Variants in TMEM178B observed in about 807,000 individuals in gnomAD.
TMEM178B encodes the protein transmembrane protein 178B.
Under a neutral mutation model 31.0 loss-of-function variants are expected in TMEM178B, and 5 were observed. The ratio of observed to expected loss-of-function variants is 0.16; its 90% CI spans 0.08 to 0.34. The LOEUF is 0.34. Among genes scored for constraint, TMEM178B ranks in the 10% least tolerant of loss-of-function variants. The pLI is 1.00. For synonymous variants in TMEM178B, 164 were observed against 164.0 expected, an observed-to-expected ratio of 1.00 and a Z score of 0.00; for missense variants, 275 against 400.3, an observed-to-expected ratio of 0.69 and a Z score of 2.67.
chr7:141,259,617 G>T (rs909049474), intron 2 of TMEM178B, among the ~76,000 whole-genome samples: 1 of 152,140 alleles, frequency 6.6e-6, no homozygotes, highest in East Asian at 1.9e-4. Context: ...TTAATGACTT[G>T]TCTGGGCTAA....
chr7:141,269,006 A>G (rs1023102930), intron 2 of TMEM178B, among the ~76,000 whole-genome samples: 3 of 151,996 alleles, frequency 2.0e-5, no homozygotes, highest in Admixed American at 6.6e-5. Context: ...GTTTTGCAAG[A>G]GTTTCAGCAG....
At chr7:141,175,338 A>G (rs913276623) in intron 1 of TMEM178B, among the ~76,000 whole-genome samples, 4 of 152,178 alleles carry the variant, frequency 2.6e-5, no homozygotes, top group East Asian at 1.9e-4. Flanking sequence ...TTTTGGTACC[A>G]GTACCATGCT....
Position 141,318,334 on chromosome 7 carries a change from G to A in TMEM178B, c.496+105630G>A, listed in dbSNP as rs193230990. Among the ~76,000 whole-genome samples the A allele has an allele frequency of 1.4e-3, 213 of 152,296 alleles. 2 individuals carry two copies. The highest frequency in any genetic ancestry group is 4.7e-3 in the African/African-American group (197 of 41,556). On this transcript the variant is annotated intron_variant, in intron 2 of 3. Transcript: ENST00000565468. The surrounding 1 kb of genome is among the most constrained non-coding windows in gnomAD (Gnocchi z 4.1). ...ATTTTGAGAGTGGGAATGGGGCTGC[G>A]AAATCAATAATTGGGTGTTTTAATG... is the stretch of plus-strand genomic sequence containing the variant.
chr7:141,496,463 G>T, the TMEM178B span, among the ~76,000 whole-genome samples: 1 of 151,206 alleles, frequency 6.6e-6, no homozygotes, highest in African/African-American at 2.5e-5. Flanking sequence ...GAGGTCAGGA[G>T]ATCGAGACCA....
chr7:141,328,300 T>C (rs1199434114), intron 2 of TMEM178B, among the ~76,000 whole-genome samples: 1 of 152,156 alleles, frequency 6.6e-6, no homozygotes, highest in African/African-American at 2.4e-5. Flanking sequence ...ATACCTTTTT[T>C]AATGGGGGAA....
intron 2 of TMEM178B, among the ~76,000 whole-genome samples, chr7:141,370,366 A>G (rs1219831018): frequency 1.3e-5 from 2 of 152,140 alleles, no homozygotes; most frequent in East Asian, 1.9e-4. Context: ...GGGCTGAGCT[A>G]CTCTTCCAGA....
At chr7:141,376,181 C>T (rs1800211019) in intron 2 of TMEM178B, among the ~76,000 whole-genome samples, 1 of 152,206 alleles carries the variant, frequency 6.6e-6, no homozygotes, top group African/African-American at 2.4e-5. Context: ...CAAATAGTCC[C>T]TGTTGATGAG....
At chr7:141,500,952 A>C in the TMEM178B span, among the ~76,000 whole-genome samples, 1 of 152,234 alleles carries the variant, frequency 6.6e-6, no homozygotes, top group Non-Finnish European at 1.5e-5. Context: ...ATGGAAATAA[A>C]GCTAAATAAT....
At chr7:141,393,583 C>T (rs528929458) in intron 2 of TMEM178B, among the ~76,000 whole-genome samples, 1 of 152,310 alleles carries the variant, frequency 6.6e-6, no homozygotes, top group African/African-American at 2.4e-5. Flanking sequence ...TGGAAACCAT[C>T]CCCTCCCATG....
At chr7:141,099,965 A>T (rs972197576) in intron 1 of TMEM178B, among the ~76,000 whole-genome samples, 2 of 151,496 alleles carry the variant, frequency 1.3e-5, no homozygotes, top group Admixed American at 1.3e-4. Context: ...GACTACAGGC[A>T]CCCGCCACCA....
At chr7:141,266,659 C>T (rs1417014875) in intron 2 of TMEM178B, among the ~76,000 whole-genome samples, 1 of 152,170 alleles carries the variant, frequency 6.6e-6, no homozygotes, top group Non-Finnish European at 1.5e-5. Context: ...GTTGCAGCTT[C>T]TCTGCGAGCC....
intron 1 of TMEM178B, among the ~76,000 whole-genome samples, chr7:141,106,223 C>T (rs1449308197): frequency 6.6e-6 from 1 of 152,078 alleles, no homozygotes; most frequent in Non-Finnish European, 1.5e-5. Context: ...CCAAAGTGCC[C>T]AGTGATTCTA....
At chr7:141,078,100 T>C (rs1794626474) in intron 1 of TMEM178B, among the ~76,000 whole-genome samples, 3 of 152,174 alleles carry the variant, frequency 2.0e-5, no homozygotes, top group African/African-American at 7.2e-5. Flanking sequence ...GGTCCTTTTG[T>C]CTTCTTGCTT....
chr7:141,362,566 A>G (rs145859446), intron 2 of TMEM178B, among the ~76,000 whole-genome samples: 76 of 152,274 alleles, frequency 5.0e-4, no homozygotes, highest in African/African-American at 1.8e-3. Context: ...ACTAAAAGAA[A>G]AGTGCTCTGT....
Position 141,367,086 on chromosome 7 carries a change from G to T in TMEM178B, c.497-70522G>T, listed in dbSNP as rs867712034. ...TTCAGGGGGAGCCACATGACAGCAG[G>T]GGGGAGGGGTGGGGGGGGCAGGGGT... is the stretch of plus-strand genomic sequence containing the variant. On this transcript the variant is annotated intron_variant, in intron 2 of 3. Transcript: ENST00000565468. Among the ~76,000 whole-genome samples the T allele has an allele frequency of 5.2e-3, 778 of 150,524 alleles. 8 individuals are homozygous for T. The highest frequency in any genetic ancestry group is 0.018 in the African/African-American group (739 of 40,852).
intron 3 of TMEM178B, among the ~76,000 whole-genome samples, chr7:141,448,829 A>G (rs1297530347): frequency 6.6e-6 from 1 of 151,958 alleles, no homozygotes; most frequent in Non-Finnish European, 1.5e-5. Context: ...CATTAACAAG[A>G]CCCTGTCTTC....
At chr7:141,076,556 C>T (rs1476450927) in intron 1 of TMEM178B, among the ~76,000 whole-genome samples, 1 of 152,178 alleles carries the variant, frequency 6.6e-6, no homozygotes, top group Admixed American at 6.5e-5. Context: ...TTCCCTGTTG[C>T]TCTGCTTGGC....
chr7:141,241,645 C>A (rs1167143406), intron 2 of TMEM178B, among the ~76,000 whole-genome samples: 2 of 151,508 alleles, frequency 1.3e-5, no homozygotes, highest in African/African-American at 4.8e-5. Flanking sequence ...TACCAAGGCT[C>A]CAGCAAGATT....
At chr7:141,409,829 C>G (rs148763237) in intron 2 of TMEM178B, among the ~76,000 whole-genome samples, 1 of 151,932 alleles carries the variant, frequency 6.6e-6, no homozygotes, top group Non-Finnish European at 1.5e-5. Context: ...CCCTGCTGGG[C>G]ATTCATTGGC....
Sources: gnomAD v4.1 joint callset for allele counts (sites outside exome capture counted in the v4.1 genomes callset) on GRCh38, gnomAD v4.1.1 for gene constraint, Gnocchi (gnomAD v3.1) non-coding constraint, MANE v1.5 for transcripts, NCBI Gene and HGNC (gene_info 2026-07-23, HGNC 2026-07-21) for gene names.